The following GRIK1 variants were observed in gnomAD, a reference collection of about 807,000 sequenced individuals.
GRIK1 encodes the protein glutamate receptor ionotropic, kainate 1.
A neutral mutation model predicts 105.7 loss-of-function variants in GRIK1; 69 were observed. The observed-to-expected ratio is 0.65, with a 90% CI of 0.54 to 0.80. GRIK1 has a LOEUF of 0.80. Among genes scored for constraint, GRIK1 ranks in the 30% least tolerant of loss-of-function variants. The probability of loss-of-function intolerance (pLI) is 0.00; values close to 1 mark genes in which losing one functional copy is unlikely to be tolerated. For synonymous variants in GRIK1, 438 were observed against 431.3 expected, an observed-to-expected ratio of 1.02 and a Z score of -0.19; for missense variants, 1,109 against 1,167.3, an observed-to-expected ratio of 0.95 and a Z score of 0.73.
intron 1 of GRIK1, among the ~76,000 whole-genome samples, chr21:29,839,230 A>G (rs909129280): frequency 3.3e-5 from 5 of 151,900 alleles, no homozygotes; most frequent in African/African-American, 9.7e-5. Context: ...TTGTATTTCT[A>G]GTAGAGACAG....
At chr21:29,861,092 A>G (rs569745312) in intron 1 of GRIK1, among the ~76,000 whole-genome samples, 1 of 152,212 alleles carries the variant, frequency 6.6e-6, no homozygotes, top group Non-Finnish European at 1.5e-5. Flanking sequence ...AATTTTTTGC[A>G]AAGACAATCA....
At chr21:29,826,643 T>C (rs2067465114) in intron 1 of GRIK1, among the ~76,000 whole-genome samples, 1 of 151,936 alleles carries the variant, frequency 6.6e-6, no homozygotes, top group Admixed American at 6.6e-5. Flanking sequence ...CAATTTTACA[T>C]AGCATGTGTG....
rs560977303 is a variant in GRIK1, at chr21:29,781,712, G to GGACTGCA, written c.119-87650_119-87649insTGCAGTC. Among the ~76,000 whole-genome samples, 4 of 97,272 alleles carry GGACTGCA rather than the reference G, an allele frequency of 4.1e-5. 1 individual carries two copies. The highest frequency in any genetic ancestry group is 5.5e-4 in the South Asian group (1 of 1,830). The allele number at this position is 97,272 out of a possible 152,430, so 63.8% of individuals were successfully genotyped here. A position where few individuals can be genotyped will look rare whatever the true frequency, so the allele number is the denominator to read the frequency against. ...GGAGTCTCGCTCTGTCGCCCAGGCC[G>GGACTGCA]GACTGCGGACTGCAGTGGCGCAATC... On this transcript the variant is annotated intron_variant, in intron 1 of 17. Coordinates refer to ENST00000327783, the MANE Select transcript of GRIK1 (RefSeq NM_001330994.2).
chr21:29,656,354 C>CAAAAAAAAAAAAAAAAAAAAAAAAAAAA (rs3054331), intron 4 of GRIK1, among the ~76,000 whole-genome samples: 4 of 51,132 alleles, frequency 7.8e-5, no homozygotes, highest in Non-Finnish European at 9.2e-5. Context: ...GAGCGAGACT[C>CAAAAAAAAAAAAAAAAAAAAAAAAAAAA]AAAAAAAAAA....
intron 7 of GRIK1, among the ~76,000 whole-genome samples, chr21:29,639,329 C>G (rs374264615): frequency 2.6e-5 from 4 of 152,230 alleles, no homozygotes; most frequent in South Asian, 4.1e-4. Context: ...AGACTGAAAA[C>G]GCATAGCTTG....
In GRIK1 at chr21:29,651,294, G is replaced by A; in HGVS notation, c.781-3C>T. On this transcript the variant is annotated splice_polypyrimidine_tract_variant and splice_region_variant and intron_variant, in intron 5 of 17. Transcript: ENST00000327783. ...TCCAGATCCAAAGCAAATAAGTCCT[G>A]CATAGTATCAAAAAGGATAACAGTG... 7 of 1,586,436 alleles carry A rather than the reference G, an allele frequency of 4.4e-6. No homozygotes were observed. Among genetic ancestry groups the A allele is most frequent in the Non-Finnish European group, 5.2e-6 (6 of 1,163,236 alleles).
intron 7 of GRIK1, among the ~76,000 whole-genome samples, chr21:29,609,291 C>T (rs1380196890): frequency 6.6e-6 from 1 of 151,992 alleles, no homozygotes; most frequent in East Asian, 1.9e-4. Context: ...TCTCCCTGAC[C>T]ACTCAGAATT....
chr21:29,559,868 A>G (rs1361700956), intron 15 of GRIK1, among the ~76,000 whole-genome samples: 1 of 152,140 alleles, frequency 6.6e-6, no homozygotes, highest in Admixed American at 6.5e-5. Context: ...AAATTCCTAC[A>G]TGTCTACAAC....
intron 1 of GRIK1, among the ~76,000 whole-genome samples, chr21:29,906,299 A>G (rs992568422): frequency 6.6e-6 from 1 of 152,248 alleles, no homozygotes; most frequent in Non-Finnish European, 1.5e-5. Flanking sequence ...TGAGAAAGCT[A>G]TATATTTTAT....
intron 7 of GRIK1, among the ~76,000 whole-genome samples, chr21:29,615,508 C>T (rs2146394628): frequency 6.6e-6 from 1 of 152,186 alleles, no homozygotes; most frequent in East Asian, 1.9e-4. Flanking sequence ...AGGGTTTTAC[C>T]ATGTTGGCCA....
At chr21:29,746,528 T>A (rs2065052718) in intron 1 of GRIK1, among the ~76,000 whole-genome samples, 1 of 152,248 alleles carries the variant, frequency 6.6e-6, no homozygotes, top group African/African-American at 2.4e-5. Flanking sequence ...TCTACACACA[T>A]GTGCACACTA....
intron 1 of GRIK1, among the ~76,000 whole-genome samples, chr21:29,824,834 G>A (rs1379387246): frequency 1.3e-5 from 2 of 151,988 alleles, no homozygotes; most frequent in Non-Finnish European, 2.9e-5. Flanking sequence ...GACTTTAACA[G>A]CATCCCACTG....
chr21:29,892,493 T>G (rs1023250502), intron 1 of GRIK1, among the ~76,000 whole-genome samples: 15 of 152,222 alleles, frequency 9.9e-5, no homozygotes, highest in Admixed American at 2.6e-4. Context: ...GTGATTGATG[T>G]GACTAAAACA....
chr21:29,688,050 A>G (rs920452600), intron 3 of GRIK1, among the ~76,000 whole-genome samples: 2 of 152,206 alleles, frequency 1.3e-5, no homozygotes, highest in Admixed American at 6.5e-5. Flanking sequence ...TTAAAACATG[A>G]TATTCTTTTT....
At chr21:29,758,527 T>C (rs1394965717) in intron 1 of GRIK1, among the ~76,000 whole-genome samples, 3 of 152,196 alleles carry the variant, frequency 2.0e-5, no homozygotes, top group Middle Eastern at 3.4e-3. Flanking sequence ...CCCCGACATA[T>C]GGGAATTATG....
chr21:29,649,657 T>A (rs2062690510), intron 6 of GRIK1, among the ~76,000 whole-genome samples: 2 of 152,358 alleles, frequency 1.3e-5, no homozygotes, highest in South Asian at 4.1e-4. Context: ...TCAGTCAATA[T>A]GTACAAACTG....
At chr21:29,768,040 G>T (rs2065719008) in intron 1 of GRIK1, among the ~76,000 whole-genome samples, 1 of 152,192 alleles carries the variant, frequency 6.6e-6, no homozygotes, top group Admixed American at 6.5e-5. Flanking sequence ...AATCTTCCGT[G>T]CTGGAGGTGA....
At chr21:29,726,170 T>G (rs555906224) in intron 1 of GRIK1, among the ~76,000 whole-genome samples, 12 of 152,330 alleles carry the variant, frequency 7.9e-5, no homozygotes, top group African/African-American at 2.9e-4. Flanking sequence ...GATTTATCAG[T>G]CTTTATGTGA....
At chr21:29,700,870 ATC>A (rs1389578272) in intron 1 of GRIK1, among the ~76,000 whole-genome samples, 3 of 152,218 alleles carry the variant, frequency 2.0e-5, no homozygotes, top group Non-Finnish European at 4.4e-5. Context: ...GTGGCAGAGA[ATC>A]CATCTCATTT....
Sources: allele counts gnomAD v4.1 joint callset (sites outside exome capture counted in the v4.1 genomes callset), GRCh38; gene constraint gnomAD v4.1.1; transcripts MANE v1.5; gene names NCBI Gene and HGNC (gene_info 2026-07-23, HGNC 2026-07-21).